The following KCNU1 variants were observed in gnomAD, a reference collection of about 807,000 sequenced individuals.
KCNU1 encodes the protein potassium channel subfamily U member 1.
KCNU1 carries 93 observed loss-of-function variants against 126.8 expected under a neutral mutation model. The ratio of observed to expected loss-of-function variants is 0.73; its 90% confidence interval spans 0.62 to 0.87. The LOEUF is 0.87. KCNU1 is among the 40% of genes least tolerant of loss of function. The pLI is 0.00. For missense variants in KCNU1, 1,330 were observed against 1,367.1 expected, an observed-to-expected ratio of 0.97 and a Z score of 0.43; for synonymous variants, 523 against 494.2, an observed-to-expected ratio of 1.06 and a Z score of -0.77.
chr8:36,806,041 G>A (rs776803049), intron 4 of KCNU1, among the ~76,000 whole-genome samples: 6 of 151,918 alleles, frequency 3.9e-5, no homozygotes, highest in African/African-American at 7.3e-5. Flanking sequence ...ATGGGGTTTC[G>A]CCATATTGGT....
intron 2 of KCNU1, among the ~76,000 whole-genome samples, chr8:36,790,390 T>C (rs921430812): frequency 1.3e-4 from 19 of 151,330 alleles, no homozygotes; most frequent in Non-Finnish European, 2.4e-4. Context: ...AGAATAAATT[T>C]AAAAGATAGT....
chr8:36,877,845 C>G (rs138481067), intron 19 of KCNU1, among the ~76,000 whole-genome samples: 1 of 152,140 alleles, frequency 6.6e-6, no homozygotes, highest in Admixed American at 6.5e-5. Flanking sequence ...TATCATATAG[C>G]TCCTATCTCT....
chr8:36,784,958 A>G (rs933770427), intron 1 of KCNU1, among the ~76,000 whole-genome samples: 1 of 152,236 alleles, frequency 6.6e-6, no homozygotes, highest in African/African-American at 2.4e-5. Flanking sequence ...TAGGTCATAG[A>G]AAGGAGGTGA....
At chr8:36,796,185 G>A (rs954716079) in intron 2 of KCNU1, among the ~76,000 whole-genome samples, 5 of 152,132 alleles carry the variant, frequency 3.3e-5, no homozygotes, top group Admixed American at 6.5e-5. Flanking sequence ...CACTTTCCTC[G>A]AATTGAGGGG....
At chr8:36,803,066 C>T (rs1183662108) in intron 2 of KCNU1, among the ~76,000 whole-genome samples, 3 of 152,140 alleles carry the variant, frequency 2.0e-5, no homozygotes, top group Non-Finnish European at 4.4e-5. Context: ...GAAGCAAGTT[C>T]CTTCTCTGAT....
chr8:36,834,879 G>A lies in KCNU1; in HGVS notation c.1295+11G>A, dbSNP rs1804688752. 6.4e-7 allele frequency: 1 copy of A among 1,570,562 alleles called. No homozygotes were observed. Among genetic ancestry groups the A allele is most frequent in the Non-Finnish European group, 8.8e-7 (1 of 1,142,552 alleles). ...TTCCAACATTATGAGGTAAGAAGCT[G>A]TGTTTTGTATGCTATAACGATTATT... On this transcript the variant is annotated intron_variant, in intron 12 of 26. Coordinates refer to ENST00000399881, the MANE Select transcript of KCNU1 (RefSeq NM_001031836.3).
chr8:36,893,814 T>G (rs1338108526), intron 19 of KCNU1, among the ~76,000 whole-genome samples: 2 of 152,132 alleles, frequency 1.3e-5, no homozygotes, highest in African/African-American at 4.8e-5. Context: ...TCATTGCTTG[T>G]GTAGAATAGT....
At chr8:36,850,983 G>A (rs1805322105) in intron 18 of KCNU1, among the ~76,000 whole-genome samples, 1 of 152,114 alleles carries the variant, frequency 6.6e-6, no homozygotes, top group Non-Finnish European at 1.5e-5. Context: ...GATTACTATA[G>A]TTTTGTAGTA....
intron 10 of KCNU1, among the ~76,000 whole-genome samples, chr8:36,824,540 G>A (rs1029925774): frequency 6.6e-6 from 1 of 152,064 alleles, no homozygotes; most frequent in Non-Finnish European, 1.5e-5. Context: ...ATCCCCTGGG[G>A]GTCTTGGAAT....
chr8:36,935,764 CCT>C lies in KCNU1; in HGVS notation c.3299_3300del (p.Ser1100PhefsTer3), dbSNP rs1808835886. ...VYSYQPRTNS[L>X]SFPKQIAWNQ... is the part of the protein sequence containing the mutation. ...ATTCTTACCAGCCGAGAACTAACTCCCTCTCTTTTCCTAAGCAAATAGCATGG... is the reference window on the plus strand; with the variant it reads ...ATTCTTACCAGCCGAGAACTAACTCCCTCTTTTCCTAAGCAAATAGCATGG... On this transcript the variant is annotated frameshift_variant, in exon 27 of 27. Transcript: ENST00000399881. LOFTEE classifies it low-confidence loss of function (END_TRUNC). 1.9e-6 allele frequency: 3 copies of C among 1,613,414 alleles called. No homozygotes were observed. Among genetic ancestry groups the C allele is most frequent in the Non-Finnish European group, 2.5e-6 (3 of 1,179,556 alleles).
intron 7 of KCNU1, among the ~76,000 whole-genome samples, chr8:36,813,136 A>G (rs1268013748): frequency 6.6e-6 from 1 of 152,220 alleles, no homozygotes; most frequent in Non-Finnish European, 1.5e-5. Context: ...GCTATCAGCC[A>G]TAAGACTTAA....
At chr8:36,841,036 T>TG (rs1804935556) in intron 16 of KCNU1, 33 bp downstream of exon 16, 4 of 660,672 alleles carry the variant, frequency 6.1e-6, no homozygotes, top group South Asian at 2.4e-5. Flanking sequence ...CTTCAGTTGT[T>TG]TTTTTTTTTT....
rs138870982 is a variant in KCNU1 at position 36,862,141 on chromosome 8, G to A, written c.1892-2263G>A. Reference sequence around the variant, plus strand: ...GGAAAAATCCATTTCAACTTTCCTCGCCTAAAATAGATTTAAAATAGTTAG... The same window carrying A: ...GGAAAAATCCATTTCAACTTTCCTCACCTAAAATAGATTTAAAATAGTTAG... On this transcript the variant is annotated intron_variant, in intron 18 of 26. Coordinates refer to ENST00000399881, the MANE Select transcript of KCNU1 (RefSeq NM_001031836.3). Among the ~76,000 whole-genome samples the A allele has an allele frequency of 6.6e-4, 101 of 152,090 alleles. 3 individuals carry two copies. In the East Asian group the frequency reaches 0.018, roughly 28 times the overall value.
chr8:36,895,165 GC>G (rs915000553), intron 19 of KCNU1, among the ~76,000 whole-genome samples: 1 of 150,878 alleles, frequency 6.6e-6, no homozygotes. Flanking sequence ...TCAGCTCACT[GC>G]CCCCCCAGTT....
intron 24 of KCNU1, among the ~76,000 whole-genome samples, chr8:36,928,030 C>T (rs1221249657): frequency 1.5e-4 from 16 of 109,868 alleles, no homozygotes; most frequent in South Asian, 3.4e-4. Flanking sequence ...GAGGGAGGGA[C>T]GGAGGGAGGG....
chr8:36,830,302 G>C (rs926947134), intron 10 of KCNU1, among the ~76,000 whole-genome samples: 2 of 151,464 alleles, frequency 1.3e-5, no homozygotes, highest in African/African-American at 4.8e-5. Context: ...ATTTTTAAAA[G>C]CACCTTTAAT....
intron 20 of KCNU1, among the ~76,000 whole-genome samples, chr8:36,908,083 T>C (rs1168679207): frequency 6.6e-6 from 1 of 152,160 alleles, no homozygotes; most frequent in Non-Finnish European, 1.5e-5. Flanking sequence ...CAAAATCATG[T>C]CTTCTGACTC....
chr8:36,884,072 AC>A (rs1429903965), intron 19 of KCNU1, among the ~76,000 whole-genome samples: 8 of 152,272 alleles, frequency 5.3e-5, no homozygotes, highest in African/African-American at 1.9e-4. Flanking sequence ...AATTACTGTT[AC>A]CCACCTCTTT....
chr8:36,856,707 C>T (rs189867994), intron 18 of KCNU1, among the ~76,000 whole-genome samples: 100 of 152,204 alleles, frequency 6.6e-4, no homozygotes, highest in African/African-American at 2.4e-3. Context: ...TTTATTATGC[C>T]TGAGTTATCT....
Sources: gnomAD v4.1 joint callset for allele counts (sites outside exome capture counted in the v4.1 genomes callset) on GRCh38, gnomAD v4.1.1 for gene constraint, MANE v1.5 for transcripts, NCBI Gene and HGNC (gene_info 2026-07-23, HGNC 2026-07-21) for gene names.